Variants in PCDHA6 observed in about 807,000 individuals in gnomAD.
The protein encoded by PCDHA6 is protocadherin alpha-6.
A neutral mutation model predicts 60.3 loss-of-function variants in PCDHA6; 55 were observed. The ratio of observed to expected loss-of-function variants is 0.91; its 90% CI spans 0.73 to 1.14. PCDHA6 has a LOEUF of 1.14. PCDHA6 is among the 50% of genes most tolerant of loss of function. The pLI, the probability that PCDHA6 is intolerant of heterozygous loss-of-function variation, is 0.00. For synonymous variants in PCDHA6, 652 were observed against 557.9 expected, an observed-to-expected ratio of 1.17 and a Z score of -2.38; for missense variants, 1,327 against 1,256.5, an observed-to-expected ratio of 1.06 and a Z score of -0.85.
Position 140,842,571 on chromosome 5 carries a change from G to A in PCDHA6, c.2394+12086G>A, listed in dbSNP as rs2150339476. The A allele has an allele frequency of 9.3e-6, 14 of 1,508,304 alleles. No individual in the cohort carries two copies. Among genetic ancestry groups the A allele is most frequent in the Non-Finnish European group, 1.2e-5 (13 of 1,110,420 alleles). The allele number at this position is 1,508,304 out of a possible 1,614,324, so 93.4% of individuals were successfully genotyped here. On this transcript the variant is annotated intron_variant, in intron 1 of 3. Coordinates refer to ENST00000529310, the MANE Select transcript of PCDHA6 (RefSeq NM_018909.4). ...CTGGACAGCGCCCTGGACCGCGAGA[G>A]AGTGTCGGCCTATGAGTTGGTGGTA...
At chr5:140,982,391 G>T (rs539713475) in intron 2 of PCDHA6, 84 bp from the exon 3 acceptor site, 2 of 1,597,556 alleles carry the variant, frequency 1.3e-6, no homozygotes, top group South Asian at 1.1e-5. Flanking sequence ...TGGCTTCATA[G>T]TTGTAAGCAA....
chr5:140,992,857 CTCT>C (rs2097531206), intron 3 of PCDHA6, among the ~76,000 whole-genome samples: 2 of 152,148 alleles, frequency 1.3e-5, no homozygotes, highest in Non-Finnish European at 2.9e-5. Context: ...ACCAGTTTCA[CTCT>C]AGCTCCCTCC....
chr5:140,888,628 T>C (rs2061913275), intron 1 of PCDHA6, among the ~76,000 whole-genome samples: 1 of 152,242 alleles, frequency 6.6e-6, no homozygotes, highest in Admixed American at 6.5e-5. Flanking sequence ...TTCGGCCTTC[T>C]ATTACAGCAA....
At chr5:140,868,200 T>G (rs1280989116) in intron 1 of PCDHA6, 4 of 152,156 alleles carry the variant, frequency 2.6e-5, no homozygotes, top group African/African-American at 9.6e-5. Flanking sequence ...ATGGCTTACA[T>G]TAGAAATAAT....
At chr5:140,988,489 C>G (rs1197670303) in intron 3 of PCDHA6, among the ~76,000 whole-genome samples, 4 of 152,134 alleles carry the variant, frequency 2.6e-5, no homozygotes, top group Non-Finnish European at 5.9e-5. Flanking sequence ...CATCCCCTAC[C>G]TAGGAGAAGC....
chr5:140,846,690 C>A (rs1189779221), intron 1 of PCDHA6, among the ~76,000 whole-genome samples: 2 of 149,102 alleles, frequency 1.3e-5, no homozygotes, highest in African/African-American at 4.9e-5. Context: ...GCTTTCTTAG[C>A]AAGTAGAGAA....
At chr5:140,991,440 C>T (rs2097452926) in intron 3 of PCDHA6, among the ~76,000 whole-genome samples, 1 of 152,190 alleles carries the variant, frequency 6.6e-6, no homozygotes, top group Non-Finnish European at 1.5e-5. Context: ...AACTTCATGG[C>T]TTAAAACAAC....
rs2098421123 is a variant in PCDHA6, at chr5:141,011,585, A to G, written c.*1648A>G. 6.5e-6 allele frequency: 1 copy of G among 153,746 alleles called. No individual in the cohort carries two copies. The highest frequency in any genetic ancestry group is 1.5e-5 in the Non-Finnish European group (1 of 68,036). 9.5% of individuals were successfully genotyped at this position (153,746 alleles called of 1,614,324 possible). ...TAAAATTTCTTTCTTAAATCAAGAT[A>G]CTGGTGATTCAAGGAATTTTATTTA... On this transcript the variant is annotated 3_prime_UTR_variant, in exon 4 of 4. Coordinates refer to ENST00000529310, the MANE Select transcript of PCDHA6 (RefSeq NM_018909.4).
intron 1 of PCDHA6, chr5:140,927,088 T>C (rs1554204002): frequency 6.2e-7 from 1 of 1,612,662 alleles, no homozygotes; most frequent in Admixed American, 1.7e-5. Context: ...CGAGCTCTAC[T>C]TCGGGGTGGA....
intron 1 of PCDHA6, among the ~76,000 whole-genome samples, chr5:140,925,964 C>CA (rs782520997): frequency 4.3e-4 from 65 of 150,204 alleles, no homozygotes; most frequent in Middle Eastern, 3.4e-3. Flanking sequence ...TGCTATCACG[C>CA]AAAAAAAAAG....
intron 1 of PCDHA6, chr5:140,831,085 G>C (rs1771371659): frequency 6.6e-6 from 1 of 152,106 alleles, no homozygotes; most frequent in African/African-American, 2.4e-5. Flanking sequence ...AGGAATAAAG[G>C]ACAAAAACAA....
At chr5:140,848,367 G>C in intron 1 of PCDHA6, 3 of 1,100,452 alleles carry the variant, frequency 2.7e-6, no homozygotes, top group Non-Finnish European at 4.0e-6. Context: ...TGGGAAAGAG[G>C]CTCAATTCTT....
chr5:140,887,043 A>G (rs1459489169), intron 1 of PCDHA6, among the ~76,000 whole-genome samples: 1 of 151,986 alleles, frequency 6.6e-6, no homozygotes, highest in Admixed American at 6.6e-5. Context: ...TATTTTTTAT[A>G]GTGCATATGT....
Position 140,874,495 on chromosome 5 carries a change from G to A in PCDHA6, c.2394+44010G>A, listed in dbSNP as rs532074473. 2.0e-5 allele frequency among the ~76,000 whole-genome samples: 3 copies of A among 152,336 alleles called. No homozygotes were observed. The South Asian group carries it at 6.2e-4, about 32-fold the overall frequency. ...AGAAAAAGCAAAAGGTTGATATCAAGTTCACATTCTCTTGACTTTAGTCAA... is the reference window on the plus strand; with the variant it reads ...AGAAAAAGCAAAAGGTTGATATCAAATTCACATTCTCTTGACTTTAGTCAA... On this transcript the variant is annotated intron_variant, in intron 1 of 3. Coordinates refer to ENST00000529310, the MANE Select transcript of PCDHA6 (RefSeq NM_018909.4).
intron 1 of PCDHA6, among the ~76,000 whole-genome samples, chr5:140,934,422 A>G (rs2089824417): frequency 1.3e-5 from 2 of 152,176 alleles, no homozygotes; most frequent in South Asian, 2.1e-4. Flanking sequence ...TGCATTATCA[A>G]TGCAAGTGTA....
chr5:140,830,054 G>C lies in PCDHA6; in HGVS notation c.1963G>C (p.Gly655Arg). Residue 655 changes from glycine (G) to arginine (R), a missense_variant, in exon 1 of 4, where the codon GGT becomes CGT. Transcript: ENST00000529310. ...HRLLVLVKDH[G>R]EPALTATATV... ...GCTGCTGGTGCTGGTGAAAGACCAC[G>C]GTGAGCCGGCGCTGACAGCGACGGC... 1 of 1,613,740 alleles carries C rather than the reference G, an allele frequency of 6.2e-7. No individual in the cohort carries two copies. Among genetic ancestry groups the C allele is most frequent in the Non-Finnish European group, 8.5e-7 (1 of 1,179,892 alleles).
intron 1 of PCDHA6, among the ~76,000 whole-genome samples, chr5:140,941,877 A>T (rs1554214743): frequency 1.3e-5 from 2 of 152,224 alleles, no homozygotes; most frequent in Non-Finnish European, 2.9e-5. Flanking sequence ...TTCTATCACC[A>T]GTGACTAGCA....
chr5:140,968,587 C>T (rs1554230892), intron 1 of PCDHA6: 8 of 1,614,196 alleles, frequency 5.0e-6, no homozygotes, highest in Non-Finnish European at 6.8e-6. Context: ...TCACCAAAGT[C>T]ATAGCTATGG....
At chr5:140,857,797 G>A (rs371795952) in intron 1 of PCDHA6, 2 of 1,597,708 alleles carry the variant, frequency 1.3e-6, no homozygotes, top group Middle Eastern at 1.7e-4. Flanking sequence ...TGCTGCGGTC[G>A]GTGGTTGCGG....
Sources: allele counts gnomAD v4.1 joint callset (sites outside exome capture counted in the v4.1 genomes callset), GRCh38; gene constraint gnomAD v4.1.1; transcripts MANE v1.5; gene names NCBI Gene and HGNC (gene_info 2026-07-23, HGNC 2026-07-21).